ZNF575: variants seen among roughly 807,000 people sequenced by gnomAD.
ZNF575 encodes zinc finger protein 575.
ZNF575 carries 17 observed loss-of-function variants against 17.5 expected under a neutral mutation model. The observed-to-expected ratio is 0.97, with a 90% CI of 0.66 to 1.45. The LOEUF (loss-of-function observed/expected upper bound fraction) is 1.45, where lower values mean the gene tolerates loss of function less well. Ranked by LOEUF, ZNF575 falls within the 40% of genes most tolerant of loss-of-function variation. The pLI is 0.00. For missense variants in ZNF575, 352 were observed against 359.2 expected (o/e 0.98, Z 0.16); for synonymous variants, 146 against 158.3 (o/e 0.92, Z 0.58).
intron 3 of ZNF575, 77 bp downstream of exon 3, chr19:43,534,578 CAG>C: frequency 7.4e-7 from 1 of 1,346,850 alleles, no homozygotes; most frequent in East Asian, 3.0e-5. Flanking sequence ...GGGGGAATCT[CAG>C]GGTGAAAATT....
Position 43,533,258 on chromosome 19 carries a change from C to T in ZNF575, c.-458C>T, listed in dbSNP as rs1276626733. On this transcript the variant is annotated 5_prime_UTR_variant, in exon 1 of 4. Coordinates refer to ENST00000314228, the MANE Select transcript of ZNF575 (RefSeq NM_174945.3). ...AGCCCCTCCTTCCATTCCTTCTTCC[C>T]CCTCTCTGCAGCCTCTGCCAGCCCG... The T allele has an allele frequency of 1.3e-5, 2 of 152,430 alleles. No homozygotes were observed. Among genetic ancestry groups the T allele is most frequent in the Non-Finnish European group, 2.9e-5 (2 of 68,192 alleles). 9.4% of individuals were successfully genotyped at this position (152,430 alleles called of 1,614,324 possible).
upstream of ZNF575, chr19:43,531,859 C>T (rs921563697): frequency 1.0e-5 from 7 of 675,972 alleles, no homozygotes; most frequent in Non-Finnish European, 1.9e-5. Context: ...AATCATAGCT[C>T]ATTGCAGACA....
chr19:43,533,657 C>T (rs1416911417), intron 1 of ZNF575, 136 bp downstream of exon 1: 3 of 152,632 alleles, frequency 2.0e-5, no homozygotes, highest in African/African-American at 7.2e-5. Context: ...GCCAGAGCCT[C>T]GGGAGGGTGC....
chr19:43,532,051 C>T (rs1018736891), upstream of ZNF575, among the ~76,000 whole-genome samples: 8 of 144,750 alleles, frequency 5.5e-5, no homozygotes, highest in South Asian at 4.4e-4. Context: ...TTTTTTGAGA[C>T]GGAGTCTCAC....
chr19:43,534,503 T>C lies in ZNF575; in HGVS notation c.79+2T>C. On this transcript the variant is annotated splice_donor_variant, in intron 3 of 3. Transcript: ENST00000314228. LOFTEE classifies it high-confidence loss of function. ...GCAAGGAACCAGTGACCAAAGAAGG[T>C]GAGAGTGCCCCGCCTGTGAGTAGGG... The C allele has an allele frequency of 2.8e-6, 4 of 1,447,290 alleles. No individual in the cohort carries two copies. The highest frequency in any genetic ancestry group is 2.7e-5 in the East Asian group (1 of 36,520). The allele number at this position is 1,447,290 out of a possible 1,614,324, so 89.7% of individuals were successfully genotyped here.
Position 43,533,500 on chromosome 19 carries a change from C to T in ZNF575, c.-216C>T, listed in dbSNP as rs1037956049. On this transcript the variant is annotated 5_prime_UTR_variant, in exon 1 of 4. Transcript: ENST00000314228. ...GCGGGAGGAGCCGGAAGCCCCGCCC[C>T]CGGGGAGGGGCCGTCCTGCAGGTGA... The T allele has an allele frequency of 1.3e-5, 2 of 152,346 alleles. No homozygotes were observed. Among genetic ancestry groups the T allele is most frequent in the African/African-American group, 4.8e-5 (2 of 41,398 alleles). 9.4% of individuals were successfully genotyped at this position (152,346 alleles called of 1,614,324 possible). A position where few individuals can be genotyped will look rare whatever the true frequency, so the allele number is the denominator to read the frequency against.
In ZNF575 at chr19:43,535,647, G is replaced by A. The variant is rs751305496; in HGVS notation, c.698G>A (p.Arg233His). ...GQRRLLLLHQ[R>H]SHHQVEHKGE... Reference sequence around the variant, plus strand: ...AGACGCTTACTGCTCCTTCATCAACGCAGCCACCACCAGGTGGAGCACAAG... The same window carrying A: ...AGACGCTTACTGCTCCTTCATCAACACAGCCACCACCAGGTGGAGCACAAG... Residue 233 changes from arginine (R) to histidine (H), a missense_variant, in exon 4 of 4, where the codon CGC (arginine) becomes CAC (histidine). By Grantham distance (29) the Arg-to-His change is conservative. Transcript: ENST00000314228. 3.7e-6 allele frequency: 6 copies of A among 1,612,924 alleles called. No homozygotes were observed. Among genetic ancestry groups the A allele is most frequent in the Non-Finnish European group, 4.2e-6 (5 of 1,179,714 alleles).
Position 43,535,125 on chromosome 19 carries a change from C to T in ZNF575, c.176C>T (p.Pro59Leu). The change falls in exon 4 of 4, where the codon CCC (proline) becomes CTC (leucine). Residue 59 changes from proline (P) to leucine (L), a missense_variant. Physicochemically the swap from Pro to Leu is moderately conservative, Grantham distance 98. Coordinates refer to ENST00000314228, the MANE Select transcript of ZNF575 (RefSeq NM_174945.3). ...SPPRPRRRPP[P>L]QRPHRCPDCD... is the part of the protein sequence containing the mutation. ...CCCCGGCCTCGCCGGCGGCCCCCGC[C>T]CCAGCGCCCGCACCGCTGCCCCGAC... 6.5e-7 allele frequency: 1 copy of T among 1,547,464 alleles called. No individual in the cohort carries two copies. Among genetic ancestry groups the T allele is most frequent in the African/African-American group, 1.4e-5 (1 of 72,712 alleles).
At chr19:43,534,068 G>T in intron 2 of ZNF575, 166 bp downstream of exon 2, 1 of 341,840 alleles carries the variant, frequency 2.9e-6, no homozygotes, top group South Asian at 4.1e-5. Context: ...AGGACTGCAG[G>T]GTCTGGTGGG....
At position 43,535,105 on chromosome 19, in the gene ZNF575, G is replaced by T; in HGVS notation, c.156G>T (p.Arg52=). 6.6e-7 allele frequency: 1 copy of T among 1,514,952 alleles called. No individual in the cohort carries two copies. The highest frequency in any genetic ancestry group is 8.8e-7 in the Non-Finnish European group (1 of 1,136,890). The allele number at this position is 1,514,952 out of a possible 1,614,324, so 93.8% of individuals were successfully genotyped here. A position where few individuals can be genotyped will look rare whatever the true frequency, so the allele number is the denominator to read the frequency against. The change falls in exon 4 of 4, where the codon CGG becomes CGT. Residue 52 remains arginine, a synonymous_variant. Transcript: ENST00000314228. The part of the protein sequence containing the change: ...GPTASAGSPP[R]PRRRPPPQRP... ...CCGCGTCCGCGGGCTCGCCTCCCCG[G>T]CCTCGCCGGCGGCCCCCGCCCCAGC... is the stretch of plus-strand genomic sequence containing the variant.
At position 43,535,969 on chromosome 19, in the gene ZNF575, C is replaced by T. The variant is rs1015394865; in HGVS notation, c.*282C>T. The T allele has an allele frequency of 6.7e-6, 3 of 445,850 alleles. No individual in the cohort carries two copies. Among genetic ancestry groups the T allele is most frequent in the African/African-American group, 3.9e-5 (2 of 51,388 alleles). 27.6% of individuals were successfully genotyped at this position (445,850 alleles called of 1,614,324 possible). On this transcript the variant is annotated 3_prime_UTR_variant, in exon 4 of 4. Coordinates refer to ENST00000314228, the MANE Select transcript of ZNF575 (RefSeq NM_174945.3). The stretch of plus-strand genomic sequence containing the variant: ...GCAAAGGTAAAAAGTCTGCTACTAT[C>T]GTGGGTTGATGAGGATTGTGGGCAA...
At chr19:43,530,865 G>A (rs1479734426), upstream of ZNF575, among the ~76,000 whole-genome samples, 1 of 152,090 alleles carries the variant, frequency 6.6e-6, no homozygotes, top group Non-Finnish European at 1.5e-5. Context: ...TGCACATAAG[G>A]ACAGTTTCCA....
chr19:43,534,856 C>G (rs544849547), intron 3 of ZNF575, among the ~76,000 whole-genome samples, 173 bp from the exon 4 acceptor site: 1 of 152,010 alleles, frequency 6.6e-6, no homozygotes, highest in African/African-American at 2.4e-5. Flanking sequence ...CTCAGAATGA[C>G]GCCTGGGGGG....
chr19:43,531,826 C>T (rs944412815), upstream of ZNF575: 29 of 689,742 alleles, frequency 4.2e-5, no homozygotes, highest in Admixed American at 3.1e-4. Flanking sequence ...CACTCTGTTG[C>T]GCAGGCTGGA....
upstream of ZNF575, chr19:43,531,931 A>G (rs1468712809): frequency 2.8e-6 from 1 of 355,362 alleles, no homozygotes; most frequent in Non-Finnish European, 5.2e-6. Context: ...ACAGGCTGCC[A>G]TTAAGCCAGA....
At chr19:43,531,884 A>T (rs1972348878), upstream of ZNF575, 1 of 579,718 alleles carries the variant, frequency 1.7e-6, no homozygotes, top group Non-Finnish European at 3.2e-6. Flanking sequence ...CTCCTGGGTG[A>T]GTCCCCACTC....
intron 2 of ZNF575, 106 bp from the exon 3 acceptor site, chr19:43,534,231 C>T (rs2146031655): frequency 1.7e-6 from 1 of 573,512 alleles, no homozygotes; most frequent in East Asian, 3.4e-5. Context: ...TTTGCATAGC[C>T]CCGCTCACTG....
At chr19:43,534,205 C>CTGA in intron 2 of ZNF575, 132 bp from the exon 3 acceptor site, 1 of 536,830 alleles carries the variant, frequency 1.9e-6, no homozygotes, top group South Asian at 2.4e-5. Context: ...AGCGAAGGGA[C>CTGA]TGCCTCTGGC....
chr19:43,534,981 C>A lies in ZNF575; in HGVS notation c.80-48C>A, dbSNP rs769457948. On this transcript the variant is annotated intron_variant, in intron 3 of 3. Coordinates refer to ENST00000314228, the MANE Select transcript of ZNF575 (RefSeq NM_174945.3). ...GTCGTGGCGGAGCCTGGCCTAGGCC[C>A]AGGGCGTTGGCTGCTTCCTGGAGCC... The A allele has an allele frequency of 4.3e-6, 6 of 1,386,606 alleles. No individual in the cohort carries two copies. In the Admixed American group the frequency reaches 1.1e-4, roughly 25 times the overall value. The allele number at this position is 1,386,606 out of a possible 1,614,324, so 85.9% of individuals were successfully genotyped here.
Sources: gnomAD v4.1 joint callset for allele counts (sites outside exome capture counted in the v4.1 genomes callset) on GRCh38, gnomAD v4.1.1 for gene constraint, MANE v1.5 for transcripts, NCBI Gene and HGNC (gene_info 2026-07-23, HGNC 2026-07-21) for gene names.